The following RNF144A variants were observed in gnomAD, a reference collection of about 807,000 sequenced individuals.
RNF144A encodes E3 ubiquitin-protein ligase RNF144A.
In RNF144A, 11 loss-of-function variants were observed where a neutral mutation model predicts 38.7. The ratio of observed to expected loss-of-function variants is 0.28; its 90% CI spans 0.18 to 0.47. The LOEUF (loss-of-function observed/expected upper bound fraction) is 0.47. RNF144A is among the 20% of genes least tolerant of loss of function. The pLI, the probability that RNF144A is intolerant of heterozygous loss-of-function variation, is 0.99. For missense variants in RNF144A, 316 were observed against 377.2 expected, an observed-to-expected ratio of 0.84 and a Z score of 1.34; for synonymous variants, 149 against 143.9, an observed-to-expected ratio of 1.04 and a Z score of -0.25.
intron 6 of RNF144A, among the ~76,000 whole-genome samples, chr2:7,065,004 C>T (rs1674144337): frequency 6.6e-6 from 1 of 152,162 alleles, no homozygotes; most frequent in Non-Finnish European, 1.5e-5. Flanking sequence ...CTGTGACAAT[C>T]TACATTCTGA....
In RNF144A at chr2:6,953,700, T is replaced by C. The variant is rs568932592; in HGVS notation, c.-12+12553T>C. Among the ~76,000 whole-genome samples the C allele has an allele frequency of 8.5e-5, 13 of 152,302 alleles. No homozygotes were observed. In the South Asian group the frequency reaches 2.5e-3, roughly 29 times the overall value. Reference sequence around the variant, plus strand: ...CAGCTTTTGTGAATGTTCTGTGTCTTTTTGAGAAAACTGTGAATTCCCAGT... The same window carrying C: ...CAGCTTTTGTGAATGTTCTGTGTCTCTTTGAGAAAACTGTGAATTCCCAGT... On this transcript the variant is annotated intron_variant, in intron 2 of 8. Coordinates refer to ENST00000320892, the MANE Select transcript of RNF144A (RefSeq NM_014746.6).
At chr2:6,948,329 C>T (rs761327914) in intron 2 of RNF144A, among the ~76,000 whole-genome samples, 2 of 152,194 alleles carry the variant, frequency 1.3e-5, no homozygotes, top group South Asian at 2.1e-4. Context: ...CCTGGAGCCA[C>T]GCAAGTTTGG....
intron 2 of RNF144A, among the ~76,000 whole-genome samples, chr2:6,957,110 G>T (rs75700760): frequency 0.011 from 1,681 of 152,272 alleles, 37 homozygotes; most frequent in African/African-American, 0.038. Flanking sequence ...TGGTGGCATG[G>T]TTTCTCACTG....
Position 7,042,796 on chromosome 2 carries a change from G to A in RNF144A, c.*3036G>A, listed in dbSNP as rs1385784642. ...ATTGCAGGAATAACTGTCCAAATTAGTTCTTCCTCCTCAACTCATAGGAGT... is the reference window on the plus strand; with the variant it reads ...ATTGCAGGAATAACTGTCCAAATTAATTCTTCCTCCTCAACTCATAGGAGT... On this transcript the variant is annotated 3_prime_UTR_variant, in exon 9 of 9. Transcript: ENST00000320892. 2 of 985,366 alleles carry A rather than the reference G, an allele frequency of 2.0e-6. No homozygotes were observed. The highest frequency in any genetic ancestry group is 2.4e-6 in the Non-Finnish European group (2 of 829,940). 61.0% of individuals were successfully genotyped at this position (985,366 alleles called of 1,614,324 possible). A position where few individuals can be genotyped will look rare whatever the true frequency, so the allele number is the denominator to read the frequency against.
At position 6,918,975 on chromosome 2, in the gene RNF144A, A is replaced by G. The variant is rs558828151; in HGVS notation, c.-212+1353A>G. 2.6e-5 allele frequency among the ~76,000 whole-genome samples: 4 copies of G among 152,268 alleles called. No individual in the cohort carries two copies. The South Asian group carries it at 8.3e-4, about 32-fold the overall frequency. On this transcript the variant is annotated intron_variant, in intron 1 of 8. Coordinates refer to ENST00000320892, the MANE Select transcript of RNF144A (RefSeq NM_014746.6). ...CCCGTAATGGGGCCTGGGAGATGGA[A>G]GGAGGACATGCCCCAGTGAATGGGG...
At chr2:7,045,419 G>C (rs1480115229), downstream of RNF144A, among the ~76,000 whole-genome samples, 3 of 152,202 alleles carry the variant, frequency 2.0e-5, no homozygotes, top group Non-Finnish European at 4.4e-5. Context: ...AGAGCGGTAA[G>C]GAGGATGCCC....
At chr2:7,010,523 C>T (rs381214) in intron 3 of RNF144A, among the ~76,000 whole-genome samples, 86,271 of 151,832 alleles carry the variant, frequency 0.57, 25,224 homozygotes, top group Non-Finnish European at 0.64. Flanking sequence ...AAATCAGACT[C>T]GCTGTAGTTT....
chr2:6,971,401 T>A (rs971312540), intron 2 of RNF144A, among the ~76,000 whole-genome samples: 17 of 152,206 alleles, frequency 1.1e-4, no homozygotes, highest in Admixed American at 1.1e-3. Flanking sequence ...CTTCAGCATA[T>A]CTGCCAGAAG....
chr2:7,009,073 A>G (rs1572392498), intron 3 of RNF144A, among the ~76,000 whole-genome samples: 1 of 152,084 alleles, frequency 6.6e-6, no homozygotes, highest in Non-Finnish European at 1.5e-5. Context: ...GGCCTTATCT[A>G]CACTGCAGGA....
At position 6,917,532 on chromosome 2, in the gene RNF144A, G is replaced by A. The variant is rs112524533; in HGVS notation, c.-302G>A. 0.26 allele frequency: 38,525 copies of A among 146,412 alleles called. 5,330 individuals are homozygous for A. The highest frequency in any genetic ancestry group is 0.35 in the Middle Eastern group (102 of 294). 9.1% of individuals were successfully genotyped at this position (146,412 alleles called of 1,614,324 possible). ...CGTGCGGGCTGCGCGGGCGCGGGGA[G>A]GCGCGGGCGGCAAACTGCGGGCACC... On this transcript the variant is annotated 5_prime_UTR_variant, in exon 1 of 9. Transcript: ENST00000320892. The surrounding 1 kb of genome is among the most constrained non-coding windows in gnomAD (Gnocchi z 4.8).
intron 1 of RNF144A, among the ~76,000 whole-genome samples, chr2:6,935,419 T>C (rs1398524730): frequency 6.6e-6 from 1 of 152,212 alleles, no homozygotes; most frequent in Non-Finnish European, 1.5e-5. Context: ...TCCTCCCTCA[T>C]TGGTCGCTCT....
chr2:7,059,241 G>A (rs1200510472), intron 6 of RNF144A, among the ~76,000 whole-genome samples: 2 of 152,098 alleles, frequency 1.3e-5, no homozygotes, highest in African/African-American at 4.8e-5. Context: ...CAGCTACTTG[G>A]GAGGCTGAGG....
At position 7,030,257 on chromosome 2, in the gene RNF144A, C is replaced by CTGTGTGTGTGTGTG. The variant is rs58324246; in HGVS notation, c.747+78_747+91dup. 3.9e-4 allele frequency: 285 copies of CTGTGTGTGTGTGTG among 725,000 alleles called. 1 individual carries two copies. Among genetic ancestry groups the CTGTGTGTGTGTGTG allele is most frequent in the Non-Finnish European group, 3.2e-4 (137 of 428,928 alleles). 44.9% of individuals were successfully genotyped at this position (725,000 alleles called of 1,614,324 possible). On this transcript the variant is annotated intron_variant, in intron 8 of 8. Coordinates refer to ENST00000320892, the MANE Select transcript of RNF144A (RefSeq NM_014746.6). ...CTGGAAGGTTGATCTCAGAGAGAGA[C>CTGTGTGTGTGTGTG]TGTGTGTGTGTGTGTGTGTGTGTGT...
At chr2:6,938,488 C>T (rs992293555) in intron 1 of RNF144A, among the ~76,000 whole-genome samples, 1 of 152,070 alleles carries the variant, frequency 6.6e-6, no homozygotes, top group Non-Finnish European at 1.5e-5. Context: ...CCTCGTGATC[C>T]ACCTGCCTCG....
At chr2:6,977,285 A>T (rs1668372690) in intron 2 of RNF144A, among the ~76,000 whole-genome samples, 3 of 152,238 alleles carry the variant, frequency 2.0e-5, no homozygotes, top group Admixed American at 1.3e-4. Context: ...GGCAGGAGGC[A>T]GGCCCAGGGC....
At chr2:7,065,002 A>C (rs1428008276) in intron 6 of RNF144A, among the ~76,000 whole-genome samples, 2 of 152,168 alleles carry the variant, frequency 1.3e-5, no homozygotes, top group Non-Finnish European at 2.9e-5. Flanking sequence ...TTCTGTGACA[A>C]TCTACATTCT....
At chr2:6,965,581 C>G (rs1667618036) in intron 2 of RNF144A, among the ~76,000 whole-genome samples, 1 of 152,116 alleles carries the variant, frequency 6.6e-6, no homozygotes, top group Non-Finnish European at 1.5e-5. Context: ...GGCGGTGACT[C>G]TGTCTCAGTG....
chr2:7,064,164 G>A (rs1572498974), intron 6 of RNF144A, among the ~76,000 whole-genome samples: 1 of 151,942 alleles, frequency 6.6e-6, no homozygotes, highest in Non-Finnish European at 1.5e-5. Flanking sequence ...CTCTAATTAG[G>A]CCCCACATCT....
intron 3 of RNF144A, among the ~76,000 whole-genome samples, chr2:6,999,874 G>A (rs934836241): frequency 2.0e-5 from 3 of 152,200 alleles, no homozygotes. Flanking sequence ...GATTTGTGTG[G>A]TTCAGTGGGT....
Sources: allele counts gnomAD v4.1 joint callset (sites outside exome capture counted in the v4.1 genomes callset), GRCh38; gene constraint gnomAD v4.1.1; non-coding constraint Gnocchi (gnomAD v3.1); transcripts MANE v1.5; gene names NCBI Gene and HGNC (gene_info 2026-07-23, HGNC 2026-07-21).